ZNF727: variants seen among roughly 807,000 people sequenced by gnomAD.
ZNF727 encodes putative zinc finger protein 727.
In ZNF727, 11 loss-of-function variants were observed where a neutral mutation model predicts 11.5. The observed-to-expected ratio is 0.95, with a 90% CI of 0.60 to 1.58. The LOEUF is 1.58. Among genes scored for constraint, ZNF727 ranks in the 40% most tolerant of loss-of-function variants. The pLI, the probability that ZNF727 is intolerant of heterozygous loss-of-function variation, is 0.00. For synonymous variants in ZNF727, 171 were observed against 196.1 expected, an observed-to-expected ratio of 0.87 and a Z score of 1.07; for missense variants, 533 against 581.7, an observed-to-expected ratio of 0.92 and a Z score of 0.86.
intron 1 of ZNF727, among the ~76,000 whole-genome samples, chr7:64,048,538 C>A (rs962383605): frequency 1.3e-5 from 2 of 152,116 alleles, no homozygotes; most frequent in Non-Finnish European, 2.9e-5. Context: ...TAGTGGGCAA[C>A]TCATTATTTT....
At chr7:64,065,335 A>G (rs1789845959) in intron 1 of ZNF727, among the ~76,000 whole-genome samples, 1 of 152,116 alleles carries the variant, frequency 6.6e-6, no homozygotes, top group African/African-American at 2.4e-5. Context: ...AATTTCTGGC[A>G]TCTGTGGCAG....
At chr7:64,069,762 AT>A (rs1338747846) in intron 3 of ZNF727, among the ~76,000 whole-genome samples, 153 bp downstream of exon 3, 1 of 151,918 alleles carries the variant, frequency 6.6e-6, no homozygotes, top group African/African-American at 2.4e-5. Context: ...ACATAGGGGA[AT>A]TTTTTGTCCC....
In ZNF727 at chr7:64,072,514, G is replaced by T. The variant is rs577112433; in HGVS notation, c.226+2905G>T. On this transcript the variant is annotated intron_variant, in intron 3 of 3. Transcript: ENST00000456806. ...TCTGGGCACCTAGATTGGCAGAACT[G>T]GCCACAAACTGTGACTATCGGTGCT... Among the ~76,000 whole-genome samples, 159 of 152,188 alleles carry T rather than the reference G, an allele frequency of 1.0e-3. 1 individual carries two copies. The highest frequency in any genetic ancestry group is 3.8e-3 in the African/African-American group (157 of 41,538).
At chr7:64,059,614 C>A (rs2861504) in intron 1 of ZNF727, among the ~76,000 whole-genome samples, 96,947 of 151,982 alleles carry the variant, frequency 0.64, 31,701 homozygotes, top group Non-Finnish European at 0.71. Context: ...CCTTTACTTC[C>A]TGACTAAACC....
intron 3 of ZNF727, among the ~76,000 whole-genome samples, chr7:64,071,181 A>C (rs1304546161): frequency 6.6e-6 from 1 of 152,028 alleles, no homozygotes; most frequent in Non-Finnish European, 1.5e-5. Flanking sequence ...TTTTTAAAGA[A>C]CCTTCATACT....
At chr7:64,050,372 CT>C in intron 1 of ZNF727, among the ~76,000 whole-genome samples, 1 of 152,146 alleles carries the variant, frequency 6.6e-6, no homozygotes, top group Non-Finnish European at 1.5e-5. Flanking sequence ...CCAAAAAAAC[CT>C]GTTTACCCAC....
At chr7:64,058,034 T>C (rs1220697562) in intron 1 of ZNF727, among the ~76,000 whole-genome samples, 1 of 152,180 alleles carries the variant, frequency 6.6e-6, no homozygotes, top group Non-Finnish European at 1.5e-5. Flanking sequence ...CAATATGCCC[T>C]GGGTTACTCA....
intron 3 of ZNF727, among the ~76,000 whole-genome samples, chr7:64,075,743 G>A (rs1785638578): frequency 6.6e-6 from 1 of 152,102 alleles, no homozygotes; most frequent in African/African-American, 2.4e-5. Flanking sequence ...GAGGAAGGGA[G>A]GAAAGAGACA....
At chr7:64,073,315 T>TC (rs1437694991) in intron 3 of ZNF727, among the ~76,000 whole-genome samples, 1 of 151,620 alleles carries the variant, frequency 6.6e-6, no homozygotes, top group Admixed American at 6.6e-5. Flanking sequence ...GTGTGTTTTT[T>TC]TTTTTCATGA....
In ZNF727 at chr7:64,053,419, C is replaced by A. The variant is rs189499261; in HGVS notation, c.3+7795C>A. 1.1e-3 allele frequency among the ~76,000 whole-genome samples: 161 copies of A among 152,286 alleles called. 1 individual carries two copies. Among genetic ancestry groups the A allele is most frequent in the African/African-American group, 3.8e-3 (159 of 41,564 alleles). ...CACTGCAATCTCCGCCTCCTGGGTT[C>A]AAGCGATTCTCCTGCCTCAGCCTCC... On this transcript the variant is annotated intron_variant, in intron 1 of 3. Coordinates refer to ENST00000456806, the MANE Select transcript of ZNF727 (RefSeq NM_001159522.3).
At chr7:64,048,008 T>C (rs189101994) in intron 1 of ZNF727, among the ~76,000 whole-genome samples, 2 of 152,250 alleles carry the variant, frequency 1.3e-5, no homozygotes, top group African/African-American at 4.8e-5. Context: ...TCAAGTACTT[T>C]AGTGAGCAGA....
At chr7:64,073,091 G>A (rs1190249200) in intron 3 of ZNF727, among the ~76,000 whole-genome samples, 1 of 151,884 alleles carries the variant, frequency 6.6e-6, no homozygotes, top group East Asian at 1.9e-4. Flanking sequence ...ATTTTTTAAA[G>A]TAAATTTCTC....
At chr7:64,062,331 T>G (rs1489555216) in intron 1 of ZNF727, among the ~76,000 whole-genome samples, 1 of 152,068 alleles carries the variant, frequency 6.6e-6, no homozygotes, top group African/African-American at 2.4e-5. Flanking sequence ...TTCTTTTAGA[T>G]TGAAGAACTG....
rs1017310814 is a variant in ZNF727, at chr7:64,080,564, T to A, written c.*2015T>A. Among the ~76,000 whole-genome samples, 7 of 152,218 alleles carry A rather than the reference T, an allele frequency of 4.6e-5. No homozygotes were observed. Among genetic ancestry groups the A allele is most frequent in the African/African-American group, 1.7e-4 (7 of 41,466 alleles). On this transcript the variant is annotated 3_prime_UTR_variant, in exon 4 of 4. Transcript: ENST00000456806. ...ACTTCCTGCAATTATTTTTTTCTTC[T>A]TTGCATTGGGTTGCAACTTACCTTT... is the stretch of plus-strand genomic sequence containing the variant.
chr7:64,067,321 A>C (rs560538780), intron 1 of ZNF727, among the ~76,000 whole-genome samples: 1 of 152,200 alleles, frequency 6.6e-6, no homozygotes, highest in Non-Finnish European at 1.5e-5. Context: ...ACCATTGTGG[A>C]GGACAGTGTG....
chr7:64,062,171 A>G (rs1562793192), intron 1 of ZNF727, among the ~76,000 whole-genome samples: 2 of 152,160 alleles, frequency 1.3e-5, no homozygotes, highest in East Asian at 3.9e-4. Flanking sequence ...TTTAATAATT[A>G]TAAGTATGGA....
chr7:64,080,802 G>A lies in ZNF727; in HGVS notation c.*2253G>A, dbSNP rs1785773404. ...GGGTTTGGTTTTTTGGATCCTATTTGATGGTCTTGAGTATTTGATTGTGGT... is the reference window on the plus strand; with the variant it reads ...GGGTTTGGTTTTTTGGATCCTATTTAATGGTCTTGAGTATTTGATTGTGGT... On this transcript the variant is annotated 3_prime_UTR_variant, in exon 4 of 4. Transcript: ENST00000456806. 6.6e-6 allele frequency among the ~76,000 whole-genome samples: 1 copy of A among 152,012 alleles called. No homozygotes were observed. The highest frequency in any genetic ancestry group is 1.5e-5 in the Non-Finnish European group (1 of 68,026).
intron 1 of ZNF727, among the ~76,000 whole-genome samples, chr7:64,064,471 G>A (rs145946914): frequency 0.012 from 1,851 of 152,124 alleles, 16 homozygotes; most frequent in Non-Finnish European, 0.02. Flanking sequence ...TCCAAGCTGC[G>A]GGACAAAGTC....
At chr7:64,049,599 A>G (rs1406553539) in intron 1 of ZNF727, among the ~76,000 whole-genome samples, 8 of 152,038 alleles carry the variant, frequency 5.3e-5, no homozygotes, top group African/African-American at 1.7e-4. Flanking sequence ...ATTTAGAAAT[A>G]TATATTTTAT....
Sources: gnomAD v4.1 joint callset for allele counts (sites outside exome capture counted in the v4.1 genomes callset) on GRCh38, gnomAD v4.1.1 for gene constraint, MANE v1.5 for transcripts, NCBI Gene and HGNC (gene_info 2026-07-23, HGNC 2026-07-21) for gene names.